MAGI2: variants seen among roughly 807,000 people sequenced by gnomAD.
MAGI2 encodes membrane-associated guanylate kinase, WW and PDZ domain-containing protein 2.
In MAGI2, 35 loss-of-function variants were observed where a neutral mutation model predicts 133.3. The ratio of observed to expected loss-of-function variants is 0.26; its 90% confidence interval spans 0.20 to 0.35. MAGI2 has a LOEUF of 0.35. MAGI2 is among the 10% of genes least tolerant of loss of function. The pLI is 1.00. For synonymous variants in MAGI2, 729 were observed against 710.6 expected (o/e 1.03, Z -0.41); for missense variants, 1,636 against 1,863.4 (o/e 0.88, Z 2.25).
intron 1 of MAGI2, among the ~76,000 whole-genome samples, chr7:79,121,544 T>C (rs868036294): frequency 6.6e-6 from 1 of 152,106 alleles, no homozygotes; most frequent in Non-Finnish European, 1.5e-5. Context: ...TATCATCCCA[T>C]GGTAAATTCC....
chr7:78,691,714 C>T, intron 2 of MAGI2, among the ~76,000 whole-genome samples: 1 of 151,932 alleles, frequency 6.6e-6, no homozygotes, highest in Admixed American at 6.6e-5. Flanking sequence ...ACTATGGAGA[C>T]AGTAAAAAAA....
At chr7:78,588,308 A>G (rs923394595) in intron 3 of MAGI2, among the ~76,000 whole-genome samples, 3 of 152,164 alleles carry the variant, frequency 2.0e-5, no homozygotes, top group Admixed American at 2.0e-4. Context: ...CCTTCAAAGC[A>G]TGAATTGGTG....
intron 1 of MAGI2, among the ~76,000 whole-genome samples, chr7:79,350,469 G>T (rs1188581056): frequency 1.3e-5 from 2 of 152,080 alleles, no homozygotes; most frequent in Non-Finnish European, 2.9e-5. Flanking sequence ...GAAAAAAATT[G>T]CTGTGAGAAA....
At chr7:79,224,566 C>T (rs1830689046) in intron 1 of MAGI2, among the ~76,000 whole-genome samples, 1 of 152,008 alleles carries the variant, frequency 6.6e-6, no homozygotes, top group Non-Finnish European at 1.5e-5. Flanking sequence ...GGAAACAACC[C>T]AAATGTTCAT....
intron 1 of MAGI2, among the ~76,000 whole-genome samples, chr7:79,241,589 C>T (rs1216685662): frequency 6.6e-6 from 1 of 152,196 alleles, no homozygotes; most frequent in East Asian, 1.9e-4. Flanking sequence ...TGATAATAGT[C>T]TCTTCCTAAA....
At chr7:78,358,221 A>C (rs1200509631) in intron 7 of MAGI2, 2 of 123,244 alleles carry the variant, frequency 1.6e-5, no homozygotes, top group Non-Finnish European at 3.4e-5. Context: ...ATATATATAT[A>C]TATATATATG....
At chr7:79,023,592 T>C (rs908146855) in intron 1 of MAGI2, among the ~76,000 whole-genome samples, 1 of 152,130 alleles carries the variant, frequency 6.6e-6, no homozygotes, top group Admixed American at 6.6e-5. Flanking sequence ...AACCTCATAG[T>C]GTGTGCTCAA....
intron 1 of MAGI2, among the ~76,000 whole-genome samples, chr7:79,024,758 A>G (rs1386384867): frequency 6.6e-6 from 1 of 152,158 alleles, no homozygotes; most frequent in African/African-American, 2.4e-5. Flanking sequence ...AAAAAAGCTC[A>G]ATATCACTAA....
intron 9 of MAGI2, among the ~76,000 whole-genome samples, chr7:78,294,631 C>T (rs1313924549): frequency 6.6e-6 from 1 of 152,078 alleles, no homozygotes; most frequent in Non-Finnish European, 1.5e-5. Flanking sequence ...TTTTAACTTA[C>T]TAGTAGTGCA....
intron 2 of MAGI2, among the ~76,000 whole-genome samples, chr7:78,875,714 C>G (rs1213453643): frequency 6.6e-6 from 1 of 151,930 alleles, no homozygotes; most frequent in Non-Finnish European, 1.5e-5. Context: ...TGAGTAGTGA[C>G]CCACATTAAA....
At chr7:78,228,019 T>G (rs1789582955) in intron 10 of MAGI2, among the ~76,000 whole-genome samples, 1 of 152,242 alleles carries the variant, frequency 6.6e-6, no homozygotes. Flanking sequence ...TACTCAACTC[T>G]GCCCTCACAA....
intron 3 of MAGI2, among the ~76,000 whole-genome samples, chr7:78,572,749 G>A (rs1256519664): frequency 1.3e-5 from 2 of 151,512 alleles, no homozygotes; most frequent in Admixed American, 1.3e-4. Context: ...CGCAACCTCC[G>A]CCTCCCAGGT....
At chr7:78,648,676 G>A (rs527809907) in intron 2 of MAGI2, among the ~76,000 whole-genome samples, 3 of 152,220 alleles carry the variant, frequency 2.0e-5, no homozygotes, top group Non-Finnish European at 4.4e-5. Flanking sequence ...TGCTTGTCAA[G>A]TGATTTTAAT....
intron 6 of MAGI2, among the ~76,000 whole-genome samples, chr7:78,434,650 A>G (rs1017509904): frequency 3.3e-5 from 5 of 152,178 alleles, no homozygotes; most frequent in African/African-American, 1.2e-4. Context: ...ATAAAATGAG[A>G]CAGTAGAATT....
At chr7:79,001,628 CAA>C (rs1041543012) in intron 2 of MAGI2, among the ~76,000 whole-genome samples, 28 of 152,188 alleles carry the variant, frequency 1.8e-4, no homozygotes, top group Admixed American at 1.3e-3. Context: ...TGATTAGACT[CAA>C]GAGTCAAATA....
intron 1 of MAGI2, among the ~76,000 whole-genome samples, chr7:79,356,026 C>G (rs906085104): frequency 1.3e-5 from 2 of 151,908 alleles, no homozygotes; most frequent in Admixed American, 1.3e-4. Flanking sequence ...AGGAAATAAC[C>G]AGAAATAAAA....
At chr7:78,291,986 G>A (rs1169690577) in intron 9 of MAGI2, among the ~76,000 whole-genome samples, 1 of 152,106 alleles carries the variant, frequency 6.6e-6, no homozygotes, top group Non-Finnish European at 1.5e-5. Context: ...ATACTGAATG[G>A]GCAAAAACTG....
chr7:79,069,005 T>A (rs1476935985), intron 1 of MAGI2, among the ~76,000 whole-genome samples: 2 of 151,990 alleles, frequency 1.3e-5, no homozygotes, highest in Non-Finnish European at 2.9e-5. Context: ...TTTTTTTTTT[T>A]ACTTCCAATT....
intron 2 of MAGI2, among the ~76,000 whole-genome samples, chr7:78,782,331 C>A (rs1031428579): frequency 2.6e-5 from 4 of 152,190 alleles, no homozygotes; most frequent in Non-Finnish European, 5.9e-5. Flanking sequence ...CCTCGTCTTT[C>A]CATTCTTCGC....
Sources: allele counts gnomAD v4.1 joint callset (sites outside exome capture counted in the v4.1 genomes callset), GRCh38; gene constraint gnomAD v4.1.1; transcripts MANE v1.5; gene names NCBI Gene and HGNC (gene_info 2026-07-23, HGNC 2026-07-21).